GRIK4: variants seen among roughly 807,000 people sequenced by gnomAD.
GRIK4 encodes glutamate ionotropic receptor kainate type subunit 4, also known as glutamate receptor ionotropic, kainate 4.
GRIK4 carries 40 observed loss-of-function variants against 104.9 expected under a neutral mutation model. The observed-to-expected ratio is 0.38, with a 90% CI of 0.30 to 0.50. The LOEUF (loss-of-function observed/expected upper bound fraction) is 0.50. Ranked by LOEUF, GRIK4 falls within the 20% of genes least tolerant of loss-of-function variation. The probability of loss-of-function intolerance (pLI) is 0.93; values close to 1 mark genes in which losing one functional copy is unlikely to be tolerated. For missense variants in GRIK4, 1,047 were observed against 1,308.1 expected, an observed-to-expected ratio of 0.80 and a Z score of 3.08; for synonymous variants, 485 against 524.9, an observed-to-expected ratio of 0.92 and a Z score of 1.04.
intron 11 of GRIK4, among the ~76,000 whole-genome samples, chr11:120,883,551 G>C (rs771222183): frequency 6.6e-6 from 1 of 152,194 alleles, no homozygotes; most frequent in Non-Finnish European, 1.5e-5. Flanking sequence ...GCTGGCTTTG[G>C]CAGGATGTAA....
At chr11:120,548,171 G>A (rs931457640) in intron 1 of GRIK4, among the ~76,000 whole-genome samples, 1 of 152,150 alleles carries the variant, frequency 6.6e-6, no homozygotes, top group African/African-American at 2.4e-5. Context: ...CCCTTGTGCT[G>A]CCTGGCACCC....
chr11:120,902,844 C>T lies in GRIK4; in HGVS notation c.1273-2446C>T, dbSNP rs1016992230. Among the ~76,000 whole-genome samples the T allele has an allele frequency of 7.9e-5, 12 of 152,078 alleles. No homozygotes were observed. The highest frequency in any genetic ancestry group is 2.9e-4 in the African/African-American group (12 of 41,402). On this transcript the variant is annotated intron_variant, in intron 12 of 20. Coordinates refer to ENST00000527524, the MANE Select transcript of GRIK4 (RefSeq NM_014619.5). This position sits in a 1 kb window ranked among gnomAD's most constrained non-coding sequence, Gnocchi z 4.5. ...TGGAGAGTTTGTGCAGGGAGAAGCC[C>T]TTGTGCTGAGGACGGCGTGTGTGGA...
chr11:120,725,740 G>A (rs2135383123), intron 3 of GRIK4, among the ~76,000 whole-genome samples: 1 of 150,502 alleles, frequency 6.6e-6, no homozygotes, highest in South Asian at 2.1e-4. Flanking sequence ...CATTTTCTAT[G>A]TTTATAAAAA....
rs1944747880 is a variant in GRIK4, at chr11:120,986,224, G to A, written c.2835G>A (p.Glu945=). The change falls in exon 21 of 21, where the codon GAG becomes GAA. Residue 945 remains glutamate, a synonymous_variant. Coordinates refer to ENST00000527524, the MANE Select transcript of GRIK4 (RefSeq NM_014619.5). ...PSPARSEESL[E]WEKTTNSSEP... ...CCGCCCGCAGCGAGGAGAGCCTGGA[G>A]TGGGAGAAAACCACCAACAGCAGCG... 1.9e-6 allele frequency: 3 copies of A among 1,573,702 alleles called. No individual in the cohort carries two copies. The highest frequency in any genetic ancestry group is 1.4e-5 in the African/African-American group (1 of 71,666).
chr11:120,947,516 C>G (rs1405440641), intron 14 of GRIK4, among the ~76,000 whole-genome samples: 1 of 152,044 alleles, frequency 6.6e-6, no homozygotes, highest in African/African-American at 2.4e-5. Flanking sequence ...GAAAGACTGT[C>G]TAGGAAAATG....
intron 13 of GRIK4, among the ~76,000 whole-genome samples, chr11:120,911,908 A>G (rs2134533771): frequency 6.6e-6 from 1 of 152,118 alleles, no homozygotes; most frequent in South Asian, 2.1e-4. Flanking sequence ...CTTTTTGAAA[A>G]ATAGATAAGG....
chr11:120,838,323 A>G (rs1182983394), intron 8 of GRIK4, among the ~76,000 whole-genome samples: 1 of 152,240 alleles, frequency 6.6e-6, no homozygotes, highest in Non-Finnish European at 1.5e-5. Context: ...CAAGTTTATT[A>G]TGAGGATTAA....
intron 8 of GRIK4, among the ~76,000 whole-genome samples, chr11:120,852,640 C>T (rs1402442009): frequency 6.6e-6 from 1 of 152,162 alleles, no homozygotes; most frequent in Non-Finnish European, 1.5e-5. Context: ...GTGAATTAGC[C>T]TCCCAGCTGC....
intron 1 of GRIK4, among the ~76,000 whole-genome samples, chr11:120,590,170 C>A (rs1277523533): frequency 6.6e-6 from 1 of 152,170 alleles, no homozygotes; most frequent in Non-Finnish European, 1.5e-5. Flanking sequence ...CTTCACCTTA[C>A]CCCTGACCCT....
intron 1 of GRIK4, among the ~76,000 whole-genome samples, chr11:120,634,165 G>T (rs1168432216): frequency 1.3e-5 from 2 of 152,214 alleles, no homozygotes; most frequent in African/African-American, 2.4e-5. Flanking sequence ...TTGGCGTCCT[G>T]CCTGACAAGT....
chr11:120,685,256 T>C (rs1039494119), intron 3 of GRIK4, among the ~76,000 whole-genome samples: 9 of 152,184 alleles, frequency 5.9e-5, no homozygotes, highest in Admixed American at 5.9e-4. Context: ...CCAGCAGCAT[T>C]GACATCACCT....
At chr11:120,704,214 A>G (rs544546690) in intron 3 of GRIK4, among the ~76,000 whole-genome samples, 2 of 152,304 alleles carry the variant, frequency 1.3e-5, no homozygotes, top group African/African-American at 4.8e-5. Flanking sequence ...ATGTTTCTTT[A>G]CTTTTCTTAT....
chr11:120,780,533 G>A (rs60842891), intron 3 of GRIK4, among the ~76,000 whole-genome samples: 196 of 152,242 alleles, frequency 1.3e-3, no homozygotes, highest in African/African-American at 4.5e-3. Context: ...ATTTGTGGCC[G>A]GACACTTGGG....
At chr11:120,750,532 A>C (rs1332388752) in intron 3 of GRIK4, among the ~76,000 whole-genome samples, 1 of 147,784 alleles carries the variant, frequency 6.8e-6, no homozygotes, top group African/African-American at 2.4e-5. Context: ...GTGCTTGGTT[A>C]ATTTTTTTGT....
intron 1 of GRIK4, among the ~76,000 whole-genome samples, chr11:120,520,811 T>C (rs1380586717): frequency 6.6e-6 from 1 of 152,212 alleles, no homozygotes; most frequent in African/African-American, 2.4e-5. Context: ...CTCATGGTCG[T>C]TATTGCTCCT....
chr11:120,758,052 A>G (rs1951683166), intron 3 of GRIK4, among the ~76,000 whole-genome samples: 1 of 152,160 alleles, frequency 6.6e-6, no homozygotes, highest in South Asian at 2.1e-4. Context: ...CTTGGCCCCC[A>G]GGTGACCCCT....
intron 1 of GRIK4, among the ~76,000 whole-genome samples, chr11:120,645,755 G>C (rs532445675): frequency 1.3e-5 from 2 of 152,308 alleles, no homozygotes; most frequent in Non-Finnish European, 2.9e-5. Flanking sequence ...TCTGGCGCCC[G>C]CCTTCACGTT....
At chr11:120,873,777 A>G in intron 9 of GRIK4, 1 of 268,398 alleles carries the variant, frequency 3.7e-6, no homozygotes, top group Non-Finnish European at 7.0e-6. Context: ...TGGAGCAGAG[A>G]GAAAAGGGTA....
At chr11:120,936,945 G>A (rs777081736) in intron 13 of GRIK4, among the ~76,000 whole-genome samples, 101 of 151,718 alleles carry the variant, frequency 6.7e-4, no homozygotes, top group Non-Finnish European at 1.1e-3. Context: ...AGTGATTCCT[G>A]GGTGGAATCA....
Sources: gnomAD v4.1 joint callset for allele counts (sites outside exome capture counted in the v4.1 genomes callset) on GRCh38, gnomAD v4.1.1 for gene constraint, Gnocchi (gnomAD v3.1) non-coding constraint, MANE v1.5 for transcripts, NCBI Gene and HGNC (gene_info 2026-07-23, HGNC 2026-07-21) for gene names.